The following TRIM5 variants were observed in gnomAD, a reference collection of about 807,000 sequenced individuals.
The protein encoded by TRIM5 is tripartite motif-containing protein 5.
A neutral mutation model predicts 35.6 loss-of-function variants in TRIM5; 31 were observed. The observed-to-expected ratio is 0.87, with a 90% CI of 0.65 to 1.18. The LOEUF is 1.18. TRIM5 is among the 50% of genes most tolerant of loss of function. The pLI, the probability that TRIM5 is intolerant of heterozygous loss-of-function variation, is 0.00. For missense variants in TRIM5, 609 were observed against 591.6 expected (o/e 1.03, Z -0.31); for synonymous variants, 243 against 215.6 (o/e 1.13, Z -1.11).
chr11:5,667,248 C>T (rs1359282179), intron 5 of TRIM5, among the ~76,000 whole-genome samples: 2 of 152,020 alleles, frequency 1.3e-5, no homozygotes, highest in East Asian at 1.9e-4. Context: ...ACTTTGTCGC[C>T]CAGACTGGAG....
the TRIM5 span, among the ~76,000 whole-genome samples, chr11:5,657,497 ATATT>A: frequency 1.4e-4 from 20 of 139,486 alleles, no homozygotes; most frequent in South Asian, 8.5e-4. Flanking sequence ...ATTTATATAT[ATATT>A]TATATATTAT....
At chr11:5,680,362 T>A (rs1302047696) in intron 1 of TRIM5, 124 bp from the exon 2 acceptor site, 2 of 597,728 alleles carry the variant, frequency 3.3e-6, no homozygotes, top group Non-Finnish European at 5.4e-6. Flanking sequence ...AGGGGAGAAA[T>A]AAGAAAAGGT....
At chr11:5,625,056 T>TGAAGGTGTGTGG in the TRIM5 span, 2 of 152,326 alleles carry the variant, frequency 1.3e-5, no homozygotes, top group Non-Finnish European at 2.9e-5. Context: ...TCTGTTGCTC[T>TGAAGGTGTGTGG]GAAGGTGTGT....
chr11:5,609,749 T>C, the TRIM5 span, among the ~76,000 whole-genome samples: 337 of 152,174 alleles, frequency 2.2e-3, no homozygotes, highest in Non-Finnish European at 3.9e-3. Flanking sequence ...GATGAAACCC[T>C]ATCTCTACTA....
chr11:5,682,155 G>C (rs535459246), intron 1 of TRIM5, among the ~76,000 whole-genome samples: 20 of 152,114 alleles, frequency 1.3e-4, no homozygotes, highest in African/African-American at 4.1e-4. Flanking sequence ...TGTAATCCTA[G>C]TACTTTGGGA....
At chr11:5,596,896 A>G in the TRIM5 span, 1 of 1,613,952 alleles carries the variant, frequency 6.2e-7, no homozygotes, top group South Asian at 1.1e-5. Flanking sequence ...CTCATTCCCC[A>G]GATGTGCGGG....
At chr11:5,602,581 G>A in the TRIM5 span, among the ~76,000 whole-genome samples, 4 of 151,850 alleles carry the variant, frequency 2.6e-5, no homozygotes, top group South Asian at 2.1e-4. Flanking sequence ...TTTACATCAC[G>A]AACGACAAAT....
At chr11:5,592,934 A>G in the TRIM5 span, among the ~76,000 whole-genome samples, 7 of 134,540 alleles carry the variant, frequency 5.2e-5, no homozygotes, top group African/African-American at 1.9e-4. Context: ...AAAAAAAGAA[A>G]AAAGAAAAAG....
the TRIM5 span, among the ~76,000 whole-genome samples, chr11:5,635,651 T>G: frequency 2.0e-5 from 3 of 152,190 alleles, no homozygotes; most frequent in Non-Finnish European, 4.4e-5. Context: ...TCTCCTTTCT[T>G]TGCTGAATTT....
Position 5,665,072 on chromosome 11 carries a change from C to T in TRIM5, c.1219G>A (p.Gly407Arg). Residue 407 changes from glycine (G) to arginine (R), a missense_variant, in exon 8 of 8, where the codon GGA (glycine) becomes AGA (arginine). Gly to Arg is a moderately radical substitution (Grantham distance 125). Coordinates refer to ENST00000380034, the MANE Select transcript of TRIM5 (RefSeq NM_033034.3). Reference protein sequence around the residue: ...YGYWVIGLEEGVKCSAFQDSS... With the variant: ...YGYWVIGLEERVKCSAFQDSS... The stretch of plus-strand genomic sequence containing the variant: ...TCCTGGAAAGCACTACATTTAACTC[C>T]TTCCTCTAACCCTATAACCCAGTAG... 2 of 1,614,084 alleles carry T rather than the reference C, an allele frequency of 1.2e-6. No individual in the cohort carries two copies. The highest frequency in any genetic ancestry group is 1.1e-5 in the South Asian group (1 of 91,076).
At chr11:5,588,926 G>C in the TRIM5 span, 2 of 152,174 alleles carry the variant, frequency 1.3e-5, no homozygotes, top group African/African-American at 4.8e-5. Flanking sequence ...TGGGATTACA[G>C]GCACATGTCA....
Position 5,665,675 on chromosome 11 carries a change from T to C in TRIM5, c.876A>G (p.Thr292=), listed in dbSNP as rs1392339884. Residue 292 remains threonine (T), a synonymous_variant, in exon 7 of 8, where the codon ACA becomes ACG. Coordinates refer to ENST00000380034, the MANE Select transcript of TRIM5 (RefSeq NM_033034.3). ...CCTTACCCCAGTAGCGTCGGACATCTGTCAGCTCTGAAATGATAAAAATGC... is the reference window on the plus strand; with the variant it reads ...CCTTACCCCAGTAGCGTCGGACATCCGTCAGCTCTGAAATGATAAAAATGC... ...KGMLEVFREL[T]DVRRYWVDVT... The C allele has an allele frequency of 2.0e-6, 3 of 1,522,960 alleles. No homozygotes were observed. Among genetic ancestry groups the C allele is most frequent in the South Asian group, 2.8e-5 (2 of 72,490 alleles). 94.3% of individuals were successfully genotyped at this position (1,522,960 alleles called of 1,614,324 possible).
At chr11:5,638,057 A>G in the TRIM5 span, among the ~76,000 whole-genome samples, 56 of 152,322 alleles carry the variant, frequency 3.7e-4, 1 homozygote, top group East Asian at 0.01. Flanking sequence ...TGAATGAGTT[A>G]ATTATATGTA....
the TRIM5 span, chr11:5,643,388 A>G: frequency 6.2e-7 from 1 of 1,614,140 alleles, no homozygotes; most frequent in African/African-American, 1.3e-5. Context: ...GAAGATGTGC[A>G]AATCGTCAAA....
intron 4 of TRIM5, among the ~76,000 whole-genome samples, chr11:5,675,881 G>C (rs1211385508): frequency 1.1e-5 from 1 of 93,562 alleles, no homozygotes; most frequent in Non-Finnish European, 2.4e-5. Flanking sequence ...TCCCCAGAGT[G>C]TGATATTCCC....
chr11:5,596,617 C>T, the TRIM5 span: 34 of 297,210 alleles, frequency 1.1e-4, no homozygotes, highest in South Asian at 1.1e-3. Flanking sequence ...TCCCCCACCC[C>T]AGGCGGCCCG....
At chr11:5,654,390 T>A in the TRIM5 span, among the ~76,000 whole-genome samples, 2 of 152,176 alleles carry the variant, frequency 1.3e-5, no homozygotes, top group African/African-American at 4.8e-5. Context: ...AGTGGTATAG[T>A]GTTCATGTAA....
the TRIM5 span, among the ~76,000 whole-genome samples, chr11:5,628,332 A>G: frequency 5.8e-4 from 88 of 152,368 alleles, no homozygotes; most frequent in African/African-American, 2.1e-3. Flanking sequence ...TGGTTGGCTC[A>G]TGGCTTTAGC....
At chr11:5,667,631 A>T in intron 5 of TRIM5, 58 bp downstream of exon 5, 1 of 1,568,222 alleles carries the variant, frequency 6.4e-7, no homozygotes. Flanking sequence ...GACAATTCTA[A>T]TGGCTATAAA....
Sources: gnomAD v4.1 joint callset for allele counts (sites outside exome capture counted in the v4.1 genomes callset) on GRCh38, gnomAD v4.1.1 for gene constraint, MANE v1.5 for transcripts, NCBI Gene and HGNC (gene_info 2026-07-23, HGNC 2026-07-21) for gene names.